The following DYNC2H1 variants were observed in gnomAD, a reference collection of about 807,000 sequenced individuals.
The protein encoded by DYNC2H1 is dynein cytoplasmic 2 heavy chain 1, also known as cytoplasmic dynein 2 heavy chain 1.
A neutral mutation model predicts 570.0 loss-of-function variants in DYNC2H1; 410 were observed. The observed-to-expected ratio is 0.72, with a 90% CI of 0.66 to 0.78. DYNC2H1 has a LOEUF of 0.78. DYNC2H1 is among the 30% of genes least tolerant of loss of function. DYNC2H1 has a pLI of 0.00. For missense variants in DYNC2H1, 4,865 were observed against 5,046.4 expected (o/e 0.96, Z 1.09); for synonymous variants, 1,688 against 1,677.6 (o/e 1.01, Z -0.15).
At chr11:103,415,146 A>G (rs9736823) in intron 84 of DYNC2H1, among the ~76,000 whole-genome samples, 76,656 of 151,458 alleles carry the variant, frequency 0.51, 19,611 homozygotes, top group African/African-American at 0.6. Context: ...CCTACCTTAC[A>G]CCTTATACAA....
chr11:103,168,365 G>A (rs919553342), intron 31 of DYNC2H1, among the ~76,000 whole-genome samples: 4 of 152,170 alleles, frequency 2.6e-5, no homozygotes, highest in Admixed American at 2.6e-4. Flanking sequence ...CACTGGTTTG[G>A]TGTCTCTTCT....
rs7935921 is a variant in DYNC2H1 at position 103,361,645 on chromosome 11, G to C, written c.12156+3286G>C. Among the ~76,000 whole-genome samples, 686 of 152,314 alleles carry C rather than the reference G, an allele frequency of 4.5e-3. 7 individuals carry two copies. The highest frequency in any genetic ancestry group is 0.015 in the African/African-American group (642 of 41,576). On this transcript the variant is annotated intron_variant, in intron 83 of 88. Transcript: ENST00000375735. ...GGAGAGCATTCAGGAAGCTCCTGCA[G>C]TAGTCCAGGTAAGAGCAGATGGCAG...
rs1432983130 is a variant in DYNC2H1 at position 103,363,121 on chromosome 11, TA to T, written c.12156+4763del. Reference sequence around the variant, plus strand: ...GCTGGTCTAGGTTTAGCTTGATTTTTATCCTGTTATTTTGCACGAGATGCCT... The same window carrying T: ...GCTGGTCTAGGTTTAGCTTGATTTTTTCCTGTTATTTTGCACGAGATGCCT... On this transcript the variant is annotated intron_variant, in intron 83 of 88. Coordinates refer to ENST00000375735, the MANE Select transcript of DYNC2H1 (RefSeq NM_001377.3). This position sits in a 1 kb window ranked among gnomAD's most constrained non-coding sequence, Gnocchi z 5.6. Among the ~76,000 whole-genome samples, 2 of 152,134 alleles carry T rather than the reference TA, an allele frequency of 1.3e-5. No individual in the cohort carries two copies. Among genetic ancestry groups the T allele is most frequent in the East Asian group, 3.8e-4 (2 of 5,198 alleles).
chr11:103,350,047 T>C (rs1183915748), intron 82 of DYNC2H1, among the ~76,000 whole-genome samples: 1 of 152,146 alleles, frequency 6.6e-6, no homozygotes, highest in Admixed American at 6.5e-5. Context: ...GGATATGGAT[T>C]CTTATGTATG....
chr11:103,143,483 C>A, intron 18 of DYNC2H1, 88 bp downstream of exon 18: 1 of 1,315,574 alleles, frequency 7.6e-7, no homozygotes, highest in South Asian at 2.0e-5. Flanking sequence ...GCATTGAAGT[C>A]ACATCAGCTT....
intron 83 of DYNC2H1, among the ~76,000 whole-genome samples, chr11:103,358,929 T>G (rs1940498360): frequency 6.6e-6 from 1 of 152,218 alleles, no homozygotes; most frequent in Non-Finnish European, 1.5e-5. Context: ...CACCTCTTAC[T>G]AAACAGAAAA....
intron 88 of DYNC2H1, among the ~76,000 whole-genome samples, chr11:103,476,655 A>G (rs1945557807): frequency 6.6e-6 from 1 of 152,152 alleles, no homozygotes; most frequent in Non-Finnish European, 1.5e-5. Flanking sequence ...AGTTTTAAGA[A>G]TGTTAGGAAT....
intron 70 of DYNC2H1, among the ~76,000 whole-genome samples, chr11:103,262,639 A>G (rs1555083634): frequency 6.6e-6 from 1 of 152,184 alleles, no homozygotes; most frequent in Non-Finnish European, 1.5e-5. Context: ...TCCTTTACAG[A>G]CAAGCAAATG....
In DYNC2H1 at chr11:103,129,187, A is replaced by T. The variant is rs1859142966; in HGVS notation, c.1953+182A>T. On this transcript the variant is annotated intron_variant, in intron 13 of 88. Transcript: ENST00000375735. This position sits in a 1 kb window ranked among gnomAD's most constrained non-coding sequence, Gnocchi z 4.1. ...TCTAACTGTAGGTTTAAGTGGTTAGAATATTTCATATATTTTGGTACTGAT... is the reference window on the plus strand; with the variant it reads ...TCTAACTGTAGGTTTAAGTGGTTAGTATATTTCATATATTTTGGTACTGAT... Among the ~76,000 whole-genome samples the T allele has an allele frequency of 6.6e-6, 1 of 152,216 alleles. No homozygotes were observed. The highest frequency in any genetic ancestry group is 2.4e-5 in the African/African-American group (1 of 41,444).
intron 84 of DYNC2H1, among the ~76,000 whole-genome samples, chr11:103,410,900 C>T (rs1011100224): frequency 2.6e-5 from 4 of 152,082 alleles, no homozygotes; most frequent in Non-Finnish European, 4.4e-5. Context: ...ATATTTATCA[C>T]TGCTGTTTCC....
intron 70 of DYNC2H1, among the ~76,000 whole-genome samples, chr11:103,271,073 A>G (rs568990742): frequency 2.0e-5 from 3 of 152,340 alleles, no homozygotes; most frequent in African/African-American, 7.2e-5. Context: ...AAATTCAGAT[A>G]TATATTATGT....
intron 69 of DYNC2H1, 140 bp downstream of exon 69, chr11:103,257,891 C>A: frequency 2.1e-6 from 2 of 930,262 alleles, no homozygotes; most frequent in Non-Finnish European, 2.8e-6. Context: ...CACTTTTAAG[C>A]TATATAAAGA....
chr11:103,391,992 C>T (rs11225761), intron 83 of DYNC2H1, among the ~76,000 whole-genome samples: 5,372 of 152,248 alleles, frequency 0.035, 312 homozygotes, highest in African/African-American at 0.12. Flanking sequence ...TCTCAAACTC[C>T]GTGCTGGGAG....
At position 103,461,283 on chromosome 11, in the gene DYNC2H1, C is replaced by T. The variant is rs1945001312; in HGVS notation, c.12648+4927C>T. ...GGATTTGAATTATACTTGAATTTTACTATCACTATAATTTTATTAGTTTTT... is the reference window on the plus strand; with the variant it reads ...GGATTTGAATTATACTTGAATTTTATTATCACTATAATTTTATTAGTTTTT... On this transcript the variant is annotated intron_variant, in intron 87 of 88. Coordinates refer to ENST00000375735, the MANE Select transcript of DYNC2H1 (RefSeq NM_001377.3). This position sits in a 1 kb window ranked among gnomAD's most constrained non-coding sequence, Gnocchi z 4.8. Among the ~76,000 whole-genome samples the T allele has an allele frequency of 6.6e-6, 1 of 151,424 alleles. No individual in the cohort carries two copies. The highest frequency in any genetic ancestry group is 2.1e-4 in the South Asian group (1 of 4,760).
chr11:103,270,577 C>CCTCT (rs3076351), intron 70 of DYNC2H1, among the ~76,000 whole-genome samples: 30,227 of 146,194 alleles, frequency 0.21, 3,282 homozygotes, highest in East Asian at 0.3. Context: ...TGATGTGGTA[C>CCTCT]CTCTCTCTCT....
chr11:103,285,905 T>G (rs1021112198), intron 73 of DYNC2H1, among the ~76,000 whole-genome samples: 3 of 152,202 alleles, frequency 2.0e-5, no homozygotes, highest in African/African-American at 7.2e-5. Context: ...ATATGAAATT[T>G]GACATACTTA....
chr11:103,341,808 C>T (rs145658697), intron 82 of DYNC2H1, among the ~76,000 whole-genome samples: 2 of 152,302 alleles, frequency 1.3e-5, no homozygotes, highest in Non-Finnish European at 2.9e-5. Context: ...TGATTCCAAA[C>T]TTAGATACTG....
chr11:103,264,748 TC>T lies in DYNC2H1; in HGVS notation c.10695+4772del, dbSNP rs1157314293. Among the ~76,000 whole-genome samples the T allele has an allele frequency of 6.6e-6, 1 of 152,140 alleles. No homozygotes were observed. The highest frequency in any genetic ancestry group is 1.5e-5 in the Non-Finnish European group (1 of 68,012). ...CAGCCAATGTCATACCGAATGTGAA[TC>T]AATATCAGTATCATACTGAATGGGC... is the stretch of plus-strand genomic sequence containing the variant. On this transcript the variant is annotated intron_variant, in intron 70 of 88. Coordinates refer to ENST00000375735, the MANE Select transcript of DYNC2H1 (RefSeq NM_001377.3). The surrounding 1 kb of genome is among the most constrained non-coding windows in gnomAD (Gnocchi z 4.8).
intron 45 of DYNC2H1, among the ~76,000 whole-genome samples, chr11:103,191,309 GATT>G (rs969512930): frequency 6.6e-6 from 1 of 151,962 alleles, no homozygotes; most frequent in Non-Finnish European, 1.5e-5. Flanking sequence ...AAAGTGCTGG[GATT>G]ATAGGCATGA....
Sources: gnomAD v4.1 joint callset for allele counts (sites outside exome capture counted in the v4.1 genomes callset) on GRCh38, gnomAD v4.1.1 for gene constraint, Gnocchi (gnomAD v3.1) non-coding constraint, MANE v1.5 for transcripts, NCBI Gene and HGNC (gene_info 2026-07-23, HGNC 2026-07-21) for gene names.